FAM219A: variants seen among roughly 807,000 people sequenced by gnomAD.
The protein encoded by FAM219A is protein FAM219A.
FAM219A carries 7 observed loss-of-function variants against 23.4 expected under a neutral mutation model. The observed-to-expected ratio is 0.30, with a 90% CI of 0.17 to 0.56. FAM219A has a LOEUF of 0.56. Ranked by LOEUF, FAM219A falls within the 20% of genes least tolerant of loss-of-function variation. FAM219A has a pLI of 0.92. For synonymous variants in FAM219A, 93 were observed against 99.0 expected (o/e 0.94, Z 0.36); for missense variants, 166 against 246.9 (o/e 0.67, Z 2.20).
At chr9:34,442,442 C>T (rs1350549821) in intron 1 of FAM219A, among the ~76,000 whole-genome samples, 13 of 152,138 alleles carry the variant, frequency 8.5e-5, no homozygotes, top group African/African-American at 2.9e-4. Context: ...CCCAGCACTT[C>T]GGGAGCCTGC....
chr9:34,436,248 T>C (rs560391822), intron 1 of FAM219A, among the ~76,000 whole-genome samples: 2 of 152,058 alleles, frequency 1.3e-5, no homozygotes, highest in East Asian at 3.9e-4. Context: ...TTCTGGGATT[T>C]TTTTGGGTTT....
chr9:34,453,759 A>G (rs1353020924), intron 1 of FAM219A, among the ~76,000 whole-genome samples: 3 of 152,204 alleles, frequency 2.0e-5, no homozygotes, highest in Non-Finnish European at 4.4e-5. Flanking sequence ...GCCTGACACA[A>G]TTAAGTGCTT....
At chr9:34,405,552 T>C (rs1821602609) in intron 2 of FAM219A, among the ~76,000 whole-genome samples, 2 of 152,226 alleles carry the variant, frequency 1.3e-5, no homozygotes, top group African/African-American at 4.8e-5. Flanking sequence ...CCTCTCAGCC[T>C]GATCCAGTGT....
intron 1 of FAM219A, among the ~76,000 whole-genome samples, chr9:34,440,142 G>A (rs751563270): frequency 1.3e-5 from 2 of 152,200 alleles, no homozygotes; most frequent in Non-Finnish European, 2.9e-5. Flanking sequence ...GTACTGGGTG[G>A]TCAGCTGTCA....
intron 1 of FAM219A, among the ~76,000 whole-genome samples, chr9:34,412,664 G>A (rs1821864724): frequency 6.6e-6 from 1 of 151,862 alleles, no homozygotes; most frequent in African/African-American, 2.4e-5. Flanking sequence ...ATGAATGGAG[G>A]AAGGAGACTG....
rs2890586 is a variant in FAM219A, at chr9:34,399,172, G to A, written c.*1792C>T. 19,869 of 152,184 alleles carry A rather than the reference G, an allele frequency of 0.13. 1,314 individuals carry two copies. Among genetic ancestry groups the A allele is most frequent in the South Asian group, 0.15 (717 of 4,820 alleles). 9.4% of individuals were successfully genotyped at this position (152,184 alleles called of 1,614,324 possible). ...CTGCAGCATGTGAGTGGATCCATGGGAGTGGATCCACCAGCACATGTGGGG... is the reference window on the plus strand; with the variant it reads ...CTGCAGCATGTGAGTGGATCCATGGAAGTGGATCCACCAGCACATGTGGGG... On this transcript the variant is annotated 3_prime_UTR_variant, in exon 6 of 6. Coordinates refer to ENST00000651358, the MANE Select transcript of FAM219A (RefSeq NM_001184940.2).
intron 1 of FAM219A, among the ~76,000 whole-genome samples, chr9:34,438,322 G>C (rs894945085): frequency 4.6e-5 from 7 of 152,274 alleles, no homozygotes; most frequent in Admixed American, 3.9e-4. Context: ...CAAGGGCTGA[G>C]GAGTGCGGGC....
rs1442084437 is a variant in FAM219A at position 34,458,226 on chromosome 9, G to A, written c.38C>T (p.Ala13Val). The change falls in exon 1 of 6, where the codon GCG becomes GTG. Residue 13 changes from alanine (A) to valine (V), a missense_variant. This residue lies in a region of FAM219A where 89 missense variants were observed against 98.8 expected (regional missense o/e 0.90). Coordinates refer to ENST00000651358, the MANE Select transcript of FAM219A (RefSeq NM_001184940.2). The surrounding 1 kb of genome is among the most constrained non-coding windows in gnomAD (Gnocchi z 6.6). ...CACCAGCGGCTGCATCTCCGAGTGC[G>A]CGGTGGGCACCTGGAACCGGTCGAT... ...EEIDRFQVPT[A>V]HSEMQPLDPA... is the part of the protein sequence containing the mutation. 6.9e-6 allele frequency: 11 copies of A among 1,589,978 alleles called. No homozygotes were observed. Among genetic ancestry groups the A allele is most frequent in the East Asian group, 2.3e-5 (1 of 42,890 alleles).
intron 1 of FAM219A, among the ~76,000 whole-genome samples, chr9:34,454,296 C>T (rs147615522): frequency 4.1e-4 from 63 of 152,272 alleles, no homozygotes; most frequent in African/African-American, 1.3e-3. Flanking sequence ...ATTAGCTGGG[C>T]GTGGTGGCAT....
intron 1 of FAM219A, among the ~76,000 whole-genome samples, chr9:34,443,400 T>C (rs1823255854): frequency 6.6e-6 from 1 of 152,126 alleles, no homozygotes; most frequent in African/African-American, 2.4e-5. Flanking sequence ...GAGCAGGTCC[T>C]TCTCCAGCCT....
At chr9:34,434,480 A>G (rs900845657) in intron 1 of FAM219A, among the ~76,000 whole-genome samples, 1 of 152,138 alleles carries the variant, frequency 6.6e-6, no homozygotes, top group African/African-American at 2.4e-5. Flanking sequence ...ACAGAGAAAA[A>G]GAATCTGAAG....
At chr9:34,450,577 C>G (rs1218067682) in intron 1 of FAM219A, among the ~76,000 whole-genome samples, 2 of 152,072 alleles carry the variant, frequency 1.3e-5, no homozygotes, top group African/African-American at 4.8e-5. Flanking sequence ...CACCACCATG[C>G]CCGGCTAATT....
chr9:34,449,121 C>T (rs1419195447), intron 1 of FAM219A, among the ~76,000 whole-genome samples: 2 of 151,924 alleles, frequency 1.3e-5, no homozygotes, highest in Non-Finnish European at 2.9e-5. Flanking sequence ...ATCTCTTGAG[C>T]CCAGGAATTT....
chr9:34,413,101 G>T (rs1028782473), intron 1 of FAM219A, among the ~76,000 whole-genome samples: 2 of 152,048 alleles, frequency 1.3e-5, no homozygotes, highest in African/African-American at 4.8e-5. Context: ...ATCATGAGCA[G>T]ATGGAGCCAG....
In FAM219A at chr9:34,398,486, G is replaced by A; in HGVS notation, c.*2478C>T. 9.4e-7 allele frequency: 1 copy of A among 1,066,950 alleles called. No individual in the cohort carries two copies. Among genetic ancestry groups the A allele is most frequent in the Non-Finnish European group, 1.4e-6 (1 of 736,388 alleles). The allele number at this position is 1,066,950 out of a possible 1,614,324, so 66.1% of individuals were successfully genotyped here. On this transcript the variant is annotated 3_prime_UTR_variant, in exon 6 of 6. Coordinates refer to ENST00000651358, the MANE Select transcript of FAM219A (RefSeq NM_001184940.2). ...AAGGAGGGAGCCACACCCCTCCCTA[G>A]ACACAGAAGCTGCCACTGCCAGCTT...
At chr9:34,440,101 C>A (rs1303492293) in intron 1 of FAM219A, among the ~76,000 whole-genome samples, 1 of 152,116 alleles carries the variant, frequency 6.6e-6, no homozygotes, top group African/African-American at 2.4e-5. Flanking sequence ...GGCAGGGTAT[C>A]CAAGGCTGTG....
chr9:34,407,837 AG>A (rs1264083905), intron 1 of FAM219A, among the ~76,000 whole-genome samples: 1 of 152,230 alleles, frequency 6.6e-6, no homozygotes, highest in African/African-American at 2.4e-5. Context: ...TGTCAGGCCC[AG>A]GGATCTGAGT....
At chr9:34,434,434 A>G (rs562771752) in intron 1 of FAM219A, among the ~76,000 whole-genome samples, 1 of 152,242 alleles carries the variant, frequency 6.6e-6, no homozygotes, top group African/African-American at 2.4e-5. Context: ...ATTTCATTTA[A>G]TCTCTGATAA....
chr9:34,398,322 T>G lies in FAM219A; in HGVS notation c.*2642A>C. 1 of 1,550,754 alleles carries G rather than the reference T, an allele frequency of 6.4e-7. No homozygotes were observed. The stretch of plus-strand genomic sequence containing the variant: ...TTCCACACACCTTCCTGGAAATAAA[T>G]TAGTGAGCACGGAGAAACCTGGCTG... On this transcript the variant is annotated 3_prime_UTR_variant, in exon 6 of 6. Transcript: ENST00000651358.
Sources: allele counts gnomAD v4.1 joint callset (sites outside exome capture counted in the v4.1 genomes callset), GRCh38; gene constraint gnomAD v4.1.1; regional missense constraint gnomAD v4.1.1; non-coding constraint Gnocchi (gnomAD v3.1); transcripts MANE v1.5; gene names NCBI Gene and HGNC (gene_info 2026-07-23, HGNC 2026-07-21).